Variants in RFTN1 observed in about 807,000 individuals in gnomAD.
The protein encoded by RFTN1 is raftlin, lipid raft linker 1.
In RFTN1, 26 loss-of-function variants were observed where a neutral mutation model predicts 46.5. That is an observed-to-expected ratio of 0.56 (90% CI 0.41 to 0.78). RFTN1 has a LOEUF of 0.78. RFTN1 is among the 30% of genes least tolerant of loss of function. The pLI is 0.00. For missense variants in RFTN1, 693 were observed against 718.7 expected (o/e 0.96, Z 0.41); for synonymous variants, 261 against 284.2 (o/e 0.92, Z 0.82).
intron 1 of RFTN1, among the ~76,000 whole-genome samples, chr3:16,508,600 T>A (rs2076848171): frequency 6.6e-6 from 1 of 152,028 alleles, no homozygotes; most frequent in Non-Finnish European, 1.5e-5. Flanking sequence ...AAACATGCAA[T>A]GCTAATAATG....
chr3:16,500,628 T>C lies in RFTN1; in HGVS notation c.-8-6751A>G, dbSNP rs1275489735. 6.6e-6 allele frequency among the ~76,000 whole-genome samples: 1 copy of C among 152,228 alleles called. No homozygotes were observed. The highest frequency in any genetic ancestry group is 1.5e-5 in the Non-Finnish European group (1 of 68,036). Reference sequence around the variant, plus strand: ...AAGATGACAGACATTGCAAATGATCTGGAAACAAAGATCCCTTGAATGGTG... The same window carrying C: ...AAGATGACAGACATTGCAAATGATCCGGAAACAAAGATCCCTTGAATGGTG... On this transcript the variant is annotated intron_variant, in intron 1 of 9. Coordinates refer to ENST00000334133, the MANE Select transcript of RFTN1 (RefSeq NM_015150.2). The surrounding 1 kb of genome is among the most constrained non-coding windows in gnomAD (Gnocchi z 5.9).
At chr3:16,363,473 C>T in intron 6 of RFTN1, among the ~76,000 whole-genome samples, 1 of 152,142 alleles carries the variant, frequency 6.6e-6, no homozygotes. Flanking sequence ...CTTAATATTC[C>T]AAGCTTATGA....
At position 16,370,136 on chromosome 3, in the gene RFTN1, C is replaced by G; in HGVS notation, c.970G>C (p.Asp324His). The change falls in exon 6 of 10, where the codon GAC becomes CAC. Residue 324 changes from aspartate (D) to histidine (H), a missense_variant. Coordinates refer to ENST00000334133, the MANE Select transcript of RFTN1 (RefSeq NM_015150.2). This position sits in a 1 kb window ranked among gnomAD's most constrained non-coding sequence, Gnocchi z 5.5. ...AGCATGCCTCCTTTCCGGAAGTGGT[C>G]GCTCATGTGCTCTAACCAGTTGGCG... ...LDANWLEHMS[D>H]HFRKGGMLVN... 5 of 1,614,196 alleles carry G rather than the reference C, an allele frequency of 3.1e-6. 2 individuals carry two copies. The highest frequency in any genetic ancestry group is 8.5e-7 in the Non-Finnish European group (1 of 1,180,030).
At position 16,441,712 on chromosome 3, in the gene RFTN1, C is replaced by T. The variant is rs371282904; in HGVS notation, c.146-7675G>A. ...AAGTCTGACTTTGGTCTTCTAATTA[C>T]ATCCGCTAATGGATCTGTCAATACG... On this transcript the variant is annotated intron_variant, in intron 2 of 9. Transcript: ENST00000334133. 7.9e-5 allele frequency among the ~76,000 whole-genome samples: 12 copies of T among 152,232 alleles called. No individual in the cohort carries two copies. In the East Asian group the frequency reaches 9.6e-4, roughly 12 times the overall value.
intron 9 of RFTN1, among the ~76,000 whole-genome samples, chr3:16,318,610 T>C (rs917294973): frequency 6.1e-5 from 8 of 131,114 alleles, no homozygotes; most frequent in African/African-American, 2.0e-4. Flanking sequence ...TTTAATACAT[T>C]ATAGGATTCT....
chr3:16,441,469 C>T (rs1370847442), intron 2 of RFTN1, among the ~76,000 whole-genome samples: 2 of 152,126 alleles, frequency 1.3e-5, no homozygotes, highest in East Asian at 1.9e-4. Flanking sequence ...TCCCTGGAAA[C>T]GAAGCCCTTC....
chr3:16,462,743 G>A (rs1445739978), intron 2 of RFTN1, among the ~76,000 whole-genome samples: 1 of 152,256 alleles, frequency 6.6e-6, no homozygotes, highest in African/African-American at 2.4e-5. Flanking sequence ...ACCACCACAT[G>A]TGTGGTAATT....
rs1041280883 is a variant in RFTN1, at chr3:16,317,654, G to A, written c.1333-422C>T. Among the ~76,000 whole-genome samples the A allele has an allele frequency of 6.6e-6, 1 of 152,180 alleles. No individual in the cohort carries two copies. Among genetic ancestry groups the A allele is most frequent in the Non-Finnish European group, 1.5e-5 (1 of 68,044 alleles). On this transcript the variant is annotated intron_variant, in intron 9 of 9. Transcript: ENST00000334133. The surrounding 1 kb of genome is among the most constrained non-coding windows in gnomAD (Gnocchi z 4.3). ...GCAGGCTGAGGATTACCAGGCACGGGGCTGGCATTCTCTCACTAGGTCACC... is the reference window on the plus strand; with the variant it reads ...GCAGGCTGAGGATTACCAGGCACGGAGCTGGCATTCTCTCACTAGGTCACC...
At chr3:16,434,365 C>G (rs1575285244) in intron 2 of RFTN1, among the ~76,000 whole-genome samples, 1 of 24,804 alleles carries the variant, frequency 4.0e-5, no homozygotes, top group Admixed American at 3.6e-4. Context: ...CTCTCTTAAA[C>G]AAACAAACAA....
Position 16,319,780 on chromosome 3 carries a change from C to T in RFTN1, c.1333-2548G>A, listed in dbSNP as rs183436529. Among the ~76,000 whole-genome samples the T allele has an allele frequency of 8.5e-5, 13 of 152,306 alleles. No homozygotes were observed. The East Asian group carries it at 1.7e-3, about 20-fold the overall frequency. ...AGATCCCAACAATTCAAAAAGGAGA[C>T]GTCTCAGAAAGCAAGAGGAGGCCTG... On this transcript the variant is annotated intron_variant, in intron 9 of 9. Transcript: ENST00000334133.
At chr3:16,456,241 G>A (rs1474822704) in intron 2 of RFTN1, among the ~76,000 whole-genome samples, 5 of 152,280 alleles carry the variant, frequency 3.3e-5, no homozygotes, top group Middle Eastern at 3.4e-3. Flanking sequence ...TCCGGCACTC[G>A]ACAGGCTGCC....
At position 16,378,370 on chromosome 3, in the gene RFTN1, AACACT is replaced by A. The variant is rs2073863310; in HGVS notation, c.442-273_442-269del. On this transcript the variant is annotated intron_variant, in intron 4 of 9. Coordinates refer to ENST00000334133, the MANE Select transcript of RFTN1 (RefSeq NM_015150.2). ...TGAAGAGTTGAAATCACTACTTTGA[AACACT>A]ACACTAGTCCTTATTAACATTTTTT... Among the ~76,000 whole-genome samples, 7 of 152,102 alleles carry A rather than the reference AACACT, an allele frequency of 4.6e-5. No individual in the cohort carries two copies. In the South Asian group the frequency reaches 1.5e-3, roughly 32 times the overall value.
chr3:16,444,607 A>G (rs1301189112), intron 2 of RFTN1, among the ~76,000 whole-genome samples: 1 of 152,266 alleles, frequency 6.6e-6, no homozygotes, highest in Admixed American at 6.5e-5. Context: ...CACCCCAGAC[A>G]CTGAACTGGA....
At chr3:16,462,886 G>A (rs541625042) in intron 2 of RFTN1, among the ~76,000 whole-genome samples, 5 of 152,286 alleles carry the variant, frequency 3.3e-5, no homozygotes, top group South Asian at 2.1e-4. Flanking sequence ...CCTAAAAAAC[G>A]GAAACACCAA....
Position 16,410,009 on chromosome 3 carries a change from T to C in RFTN1, c.333-526A>G, listed in dbSNP as rs9868672. 6.9e-6 allele frequency among the ~76,000 whole-genome samples: 1 copy of C among 144,738 alleles called. No individual in the cohort carries two copies. The highest frequency in any genetic ancestry group is 1.5e-5 in the Non-Finnish European group (1 of 66,194). 95.0% of individuals were successfully genotyped at this position (144,738 alleles called of 152,430 possible). A position where few individuals can be genotyped will look rare whatever the true frequency, so the allele number is the denominator to read the frequency against. ...GACGCAGAATATTTTTTTTTTTTTTTAAAAAGAATCATTGGGTCTTTAATG... is the reference window on the plus strand; with the variant it reads ...GACGCAGAATATTTTTTTTTTTTTTCAAAAAGAATCATTGGGTCTTTAATG... On this transcript the variant is annotated intron_variant, in intron 3 of 9. Transcript: ENST00000334133. The surrounding 1 kb of genome is among the most constrained non-coding windows in gnomAD (Gnocchi z 4.6).
At chr3:16,403,822 TA>T (rs1187584775) in intron 4 of RFTN1, among the ~76,000 whole-genome samples, 1 of 8,854 alleles carries the variant, frequency 1.1e-4, no homozygotes, top group African/African-American at 1.1e-3. Flanking sequence ...TTTTATATTA[TA>T]TTTATATATA....
chr3:16,374,608 A>C lies in RFTN1; in HGVS notation c.826+3110T>G, dbSNP rs1305822985. On this transcript the variant is annotated intron_variant, in intron 5 of 9. Coordinates refer to ENST00000334133, the MANE Select transcript of RFTN1 (RefSeq NM_015150.2). The surrounding 1 kb of genome is among the most constrained non-coding windows in gnomAD (Gnocchi z 5.4). ...CTGACATTTCTAAGCATTTTAAGTG[A>C]GGAGGTGCAGGGTAGGAAGGGCAGT... 6.6e-6 allele frequency among the ~76,000 whole-genome samples: 1 copy of C among 152,160 alleles called. No homozygotes were observed. The highest frequency in any genetic ancestry group is 1.5e-5 in the Non-Finnish European group (1 of 68,012).
intron 2 of RFTN1, among the ~76,000 whole-genome samples, chr3:16,435,590 CA>C: frequency 6.6e-6 from 1 of 152,170 alleles, no homozygotes; most frequent in African/African-American, 2.4e-5. Flanking sequence ...AAAAACAAAA[CA>C]AAACAGTATA....
At chr3:16,435,766 G>A (rs1168950527) in intron 2 of RFTN1, among the ~76,000 whole-genome samples, 1 of 151,798 alleles carries the variant, frequency 6.6e-6, no homozygotes, top group Non-Finnish European at 1.5e-5. Flanking sequence ...TGCGCTTATA[G>A]TACATATACA....
Sources: allele counts gnomAD v4.1 joint callset (sites outside exome capture counted in the v4.1 genomes callset), GRCh38; gene constraint gnomAD v4.1.1; non-coding constraint Gnocchi (gnomAD v3.1); transcripts MANE v1.5; gene names NCBI Gene and HGNC (gene_info 2026-07-23, HGNC 2026-07-21).